The following SEMA6C variants were observed in gnomAD, a reference collection of about 807,000 sequenced individuals.
The protein encoded by SEMA6C is semaphorin 6C.
SEMA6C carries 37 observed loss-of-function variants against 72.9 expected under a neutral mutation model. That is an observed-to-expected ratio of 0.51 (90% CI 0.39 to 0.67). The LOEUF (loss-of-function observed/expected upper bound fraction) is 0.67. Ranked by LOEUF, SEMA6C falls within the 30% of genes least tolerant of loss-of-function variation. The pLI is 0.00. For missense variants in SEMA6C, 1,189 were observed against 1,263.6 expected (o/e 0.94, Z 0.89); for synonymous variants, 578 against 554.1 (o/e 1.04, Z -0.61).
Position 151,139,442 on chromosome 1 carries a change from C to CA in SEMA6C, c.336dup (p.Val113CysfsTer8). ...CTCCTTACCGTCAGCTTTCCCCGTACAGCACAGTTCTCCACATCTTGGCTT... is the reference window on the plus strand; with the variant it reads ...CTCCTTACCGTCAGCTTTCCCCGTACAAGCACAGTTCTCCACATCTTGGCTT... On this transcript the variant is annotated frameshift_variant, in exon 6 of 19. Coordinates refer to ENST00000368914, the MANE Select transcript of SEMA6C (RefSeq NM_030913.6). LOFTEE classifies it high-confidence loss of function. The CA allele has an allele frequency of 6.2e-7, 1 of 1,614,020 alleles. No homozygotes were observed. The highest frequency in any genetic ancestry group is 8.5e-7 in the Non-Finnish European group (1 of 1,179,846).
chr1:151,136,431 A>G lies in SEMA6C; in HGVS notation c.1106+17T>C, dbSNP rs779940310. ...TGCTTGCTTCTGCCCCCACAAAAAC[A>G]ACTCCATCCTGGGTACCTGGGTGAG... On this transcript the variant is annotated intron_variant, in intron 12 of 18. Transcript: ENST00000368914. 22 of 1,609,052 alleles carry G rather than the reference A, an allele frequency of 1.4e-5. No homozygotes were observed. In the South Asian group the frequency reaches 2.3e-4, roughly 17 times the overall value.
chr1:151,133,091 T>C lies in SEMA6C; in HGVS notation c.2186A>G (p.Lys729Arg), dbSNP rs753986638. The C allele has an allele frequency of 5.1e-6, 8 of 1,556,014 alleles. No homozygotes were observed. The African/African-American group carries it at 7.1e-5, about 14-fold the overall frequency. The change falls in exon 19 of 19, where the codon AAG becomes AGG. Residue 729 changes from lysine to arginine, a missense_variant. Lys to Arg is a conservative substitution (Grantham distance 26). This residue lies in a region of SEMA6C where 721 missense variants were observed against 686.2 expected (regional missense o/e 1.05). Transcript: ENST00000368914. The surrounding 1 kb of genome is among the most constrained non-coding windows in gnomAD (Gnocchi z 5.9). ...WEWNQNRNNAKEGPGRSRGGH... is the reference protein window; with the variant it reads ...WEWNQNRNNAREGPGRSRGGH... ...GCCCCGTGAGCGGCCCGGACCCTCC[T>C]TGGCGTTGTTCCTGTTCTGGTTCCA...
At chr1:151,141,318 A>G (rs910566498) in intron 3 of SEMA6C, among the ~76,000 whole-genome samples, 2 of 152,252 alleles carry the variant, frequency 1.3e-5, no homozygotes, top group Non-Finnish European at 1.5e-5. Flanking sequence ...GGAAACACAT[A>G]TAAAGCATTT....
At chr1:151,143,216 G>A (rs1682702682) in intron 2 of SEMA6C, among the ~76,000 whole-genome samples, 1 of 152,196 alleles carries the variant, frequency 6.6e-6, no homozygotes, top group Non-Finnish European at 1.5e-5. Flanking sequence ...ACACAGTTGG[G>A]GGAGGCAGCC....
intron 3 of SEMA6C, 61 bp from the exon 4 acceptor site, chr1:151,140,151 A>T (rs1343616348): frequency 1.8e-5 from 24 of 1,349,572 alleles, no homozygotes; most frequent in Non-Finnish European, 4.2e-6. Context: ...CACCCTCTCC[A>T]ACCAGATGAA....
At chr1:151,137,175 G>T in intron 10 of SEMA6C, 101 bp from the exon 11 acceptor site, 1 of 1,009,512 alleles carries the variant, frequency 9.9e-7, no homozygotes, top group Non-Finnish European at 1.5e-6. Flanking sequence ...GCTGGGCGCG[G>T]TGGCTCACGC....
In SEMA6C at chr1:151,139,413, C is replaced by A. The variant is rs760827829; in HGVS notation, c.354+12G>T. The A allele has an allele frequency of 6.2e-7, 1 of 1,611,948 alleles. No individual in the cohort carries two copies. The highest frequency in any genetic ancestry group is 1.1e-5 in the South Asian group (1 of 91,040). On this transcript the variant is annotated intron_variant, in intron 6 of 18. Coordinates refer to ENST00000368914, the MANE Select transcript of SEMA6C (RefSeq NM_030913.6). ...CCTCTCCTTCCCTCCACATTCTCGT[C>A]TCACTCCTTACCGTCAGCTTTCCCC...
chr1:151,138,759 G>T, intron 6 of SEMA6C, 28 bp from the exon 7 acceptor site: 1 of 1,546,968 alleles, frequency 6.5e-7, no homozygotes, highest in South Asian at 1.1e-5. Context: ...CTAGGTCAGT[G>T]ACAGAGGGTC....
chr1:151,136,230 C>G, intron 12 of SEMA6C, 67 bp from the exon 13 acceptor site: 2 of 1,588,076 alleles, frequency 1.3e-6, no homozygotes, highest in Non-Finnish European at 1.7e-6. Flanking sequence ...CTCTGTGCCC[C>G]CTACTGCTCC....
rs1681832222 is a variant in SEMA6C at position 151,134,337 on chromosome 1, C to T, written c.1759+64G>A. ...TCAGAATGCTGCTCTGCTGCTGCTA[C>T]AGGACACACACTCAGGTATGTGGGC... On this transcript the variant is annotated intron_variant, in intron 18 of 18. Transcript: ENST00000368914. 4 of 1,441,490 alleles carry T rather than the reference C, an allele frequency of 2.8e-6. No homozygotes were observed. The East Asian group carries it at 9.9e-5, about 36-fold the overall frequency. 89.3% of individuals were successfully genotyped at this position (1,441,490 alleles called of 1,614,324 possible).
At chr1:151,134,073 G>A in intron 18 of SEMA6C, 1 of 1,471,040 alleles carries the variant, frequency 6.8e-7, no homozygotes, top group Non-Finnish European at 9.1e-7. Context: ...CAGAGACCAG[G>A]TCAGAGCCAG....
rs1191243728 is a variant in SEMA6C, at chr1:151,132,712, G to A, written c.2565C>T (p.Ser855=). Reference sequence around the variant, plus strand: ...GCAGGGCAGGGGGGGCCCGGTGGCCGGAGAAAGGCAACCTCCGGCCTCCGC... The same window carrying A: ...GCAGGGCAGGGGGGGCCCGGTGGCCAGAGAAAGGCAACCTCCGGCCTCCGC... ...GVGGGRRLPF[S]GHRAPPALLT... Residue 855 remains serine, a synonymous_variant, in exon 19 of 19, where the codon TCC becomes TCT. Coordinates refer to ENST00000368914, the MANE Select transcript of SEMA6C (RefSeq NM_030913.6). 2.0e-5 allele frequency: 30 copies of A among 1,487,404 alleles called. No homozygotes were observed. Among genetic ancestry groups the A allele is most frequent in the South Asian group, 2.6e-5 (2 of 76,644 alleles). 92.1% of individuals were successfully genotyped at this position (1,487,404 alleles called of 1,614,324 possible).
Position 151,132,970 on chromosome 1 carries a change from T to C in SEMA6C, c.2307A>G (p.Glu769=). ...GCGGGCCGTGCAGGTAGCGCAGCAG[T>C]TCCTCCAGGGTGGTGACTTCCACGG... is the stretch of plus-strand genomic sequence containing the variant. ...GQAVEVTTLE[E]LLRYLHGPQP... Residue 769 remains glutamate, a synonymous_variant, in exon 19 of 19, where the codon GAA becomes GAG. Transcript: ENST00000368914. 1.4e-6 allele frequency: 2 copies of C among 1,412,332 alleles called. No individual in the cohort carries two copies. The highest frequency in any genetic ancestry group is 3.7e-5 in the East Asian group (1 of 27,280). 87.5% of individuals were successfully genotyped at this position (1,412,332 alleles called of 1,614,324 possible).
chr1:151,135,550 C>A (rs371500025), intron 14 of SEMA6C, 41 bp downstream of exon 14: 1 of 1,581,946 alleles, frequency 6.3e-7, no homozygotes, highest in East Asian at 2.2e-5. Flanking sequence ...CCTCCCATCC[C>A]CTCCCTGCTT....
Position 151,136,433 on chromosome 1 carries a change from C to T in SEMA6C, c.1106+15G>A. The T allele has an allele frequency of 6.2e-7, 1 of 1,610,400 alleles. No individual in the cohort carries two copies. Among genetic ancestry groups the T allele is most frequent in the Non-Finnish European group, 8.5e-7 (1 of 1,178,844 alleles). ...CTTGCTTCTGCCCCCACAAAAACAACTCCATCCTGGGTACCTGGGTGAGGG... is the reference window on the plus strand; with the variant it reads ...CTTGCTTCTGCCCCCACAAAAACAATTCCATCCTGGGTACCTGGGTGAGGG... On this transcript the variant is annotated intron_variant, in intron 12 of 18. Transcript: ENST00000368914.
chr1:151,138,822 G>A, intron 6 of SEMA6C, 91 bp from the exon 7 acceptor site: 1 of 1,031,364 alleles, frequency 9.7e-7, no homozygotes, highest in East Asian at 2.4e-5. Flanking sequence ...GGCGGGCGTG[G>A]TGGCTCACGC....
Position 151,134,822 on chromosome 1 carries a change from C to A in SEMA6C, c.1634G>T (p.Cys545Phe). The change falls in exon 16 of 19, where the codon TGT becomes TTT. Residue 545 changes from cysteine to phenylalanine, a missense_variant. Cys to Phe is a radical substitution (Grantham distance 205). Coordinates refer to ENST00000368914, the MANE Select transcript of SEMA6C (RefSeq NM_030913.6). The stretch of plus-strand genomic sequence containing the variant: ...CCCACCAGATCCCCTGATATCCACA[C>A]AGCCCCTGGAGCTATGCCATCCACA... ...PYCGWHSSRG[C>F]VDIRGSGGTD... 1 of 1,614,224 alleles carries A rather than the reference C, an allele frequency of 6.2e-7. No homozygotes were observed. The highest frequency in any genetic ancestry group is 8.5e-7 in the Non-Finnish European group (1 of 1,180,032).
At position 151,137,425 on chromosome 1, in the gene SEMA6C, G is replaced by C. The variant is rs587614179; in HGVS notation, c.756+286C>G. On this transcript the variant is annotated intron_variant, in intron 10 of 18. Transcript: ENST00000368914. ...GGCGCCACTGCACTCCAGCCTGGGC[G>C]ACAGAGCAAGACTCCGTCTCAAAAA... 1.4e-4 allele frequency among the ~76,000 whole-genome samples: 19 copies of C among 134,504 alleles called. No individual in the cohort carries two copies. In the Admixed American group the frequency reaches 1.5e-3, roughly 11 times the overall value. 88.2% of individuals were successfully genotyped at this position (134,504 alleles called of 152,430 possible).
At position 151,137,119 on chromosome 1, in the gene SEMA6C, G is replaced by C. The variant is rs374501250; in HGVS notation, c.757-45C>G. ...TAGACAATGGTGAGACAGACCCACA[G>C]GGCCAGCTGCATGCAAGGAGTGTGG... On this transcript the variant is annotated intron_variant, in intron 10 of 18. Coordinates refer to ENST00000368914, the MANE Select transcript of SEMA6C (RefSeq NM_030913.6). 116 of 1,550,942 alleles carry C rather than the reference G, an allele frequency of 7.5e-5. No individual in the cohort carries two copies. The African/African-American group carries it at 1.5e-3, about 20-fold the overall frequency.
Sources: allele counts gnomAD v4.1 joint callset (sites outside exome capture counted in the v4.1 genomes callset), GRCh38; gene constraint gnomAD v4.1.1; regional missense constraint gnomAD v4.1.1; non-coding constraint Gnocchi (gnomAD v3.1); transcripts MANE v1.5; gene names NCBI Gene and HGNC (gene_info 2026-07-23, HGNC 2026-07-21).